Variants in DDX10 observed in about 807,000 individuals in gnomAD.
DDX10 encodes the protein probable ATP-dependent RNA helicase DDX10.
In DDX10, 74 loss-of-function variants were observed where a neutral mutation model predicts 104.3. The ratio of observed to expected loss-of-function variants is 0.71; its 90% CI spans 0.59 to 0.86. DDX10 has a LOEUF of 0.86. Ranked by LOEUF, DDX10 falls within the 40% of genes least tolerant of loss-of-function variation. The pLI is 0.00. For missense variants in DDX10, 952 were observed against 1,040.0 expected (o/e 0.92, Z 1.16); for synonymous variants, 351 against 353.4 (o/e 0.99, Z 0.08).
At chr11:108,846,858 A>G (rs200849320) in intron 15 of DDX10, among the ~76,000 whole-genome samples, 8 of 119,162 alleles carry the variant, frequency 6.7e-5, no homozygotes, top group Admixed American at 5.3e-4. Context: ...CAGACCATAT[A>G]GTTTAATGGC....
At chr11:108,855,808 T>C (rs1862860536) in intron 16 of DDX10, among the ~76,000 whole-genome samples, 1 of 152,134 alleles carries the variant, frequency 6.6e-6, no homozygotes, top group Non-Finnish European at 1.5e-5. Flanking sequence ...AATTGAACAC[T>C]GACTATGAAG....
At chr11:108,861,205 C>T (rs1862937129) in intron 16 of DDX10, among the ~76,000 whole-genome samples, 1 of 151,932 alleles carries the variant, frequency 6.6e-6, no homozygotes, top group Non-Finnish European at 1.5e-5. Flanking sequence ...GGCTACATCT[C>T]TCTCCCTTGC....
chr11:108,725,649 T>C (rs951206947), intron 13 of DDX10, among the ~76,000 whole-genome samples: 1 of 152,132 alleles, frequency 6.6e-6, no homozygotes, highest in Non-Finnish European at 1.5e-5. Context: ...TTTGAAATTG[T>C]GTTGCCTTAG....
rs559945051 is a variant in DDX10 at position 108,695,046 on chromosome 11, G to A, written c.1223+1446G>A. On this transcript the variant is annotated intron_variant, in intron 9 of 17. Transcript: ENST00000322536. ...GGAGGTATACATTCTTGGTGGAATT[G>A]TAAATGGTTAACATTTTTCTGGATA... Among the ~76,000 whole-genome samples, 5 of 152,296 alleles carry A rather than the reference G, an allele frequency of 3.3e-5. No homozygotes were observed. The East Asian group carries it at 7.7e-4, about 23-fold the overall frequency.
intron 13 of DDX10, among the ~76,000 whole-genome samples, chr11:108,807,374 A>G (rs1418390347): frequency 1.3e-5 from 2 of 152,194 alleles, no homozygotes; most frequent in Admixed American, 1.3e-4. Context: ...GACTGGTAGC[A>G]ATGTCAAGCC....
chr11:108,681,386 C>T lies in DDX10; in HGVS notation c.848+1826C>T, dbSNP rs114450538. On this transcript the variant is annotated intron_variant, in intron 6 of 17. Coordinates refer to ENST00000322536, the MANE Select transcript of DDX10 (RefSeq NM_004398.4). ...GGTAGACATGTATTGACATAATTTA[C>T]AAAACCTCAGGTTATATGATAATGG... Among the ~76,000 whole-genome samples, 1,447 of 152,188 alleles carry T rather than the reference C, an allele frequency of 9.5e-3. 18 individuals carry two copies. The highest frequency in any genetic ancestry group is 0.033 in the African/African-American group (1,353 of 41,518).
intron 16 of DDX10, among the ~76,000 whole-genome samples, chr11:108,878,637 T>A (rs1863184738): frequency 6.6e-6 from 1 of 152,224 alleles, no homozygotes; most frequent in Non-Finnish European, 1.5e-5. Context: ...TCTTTCTTTT[T>A]TTGACATGTT....
chr11:108,720,661 G>A (rs2094297166), intron 12 of DDX10, among the ~76,000 whole-genome samples: 1 of 152,062 alleles, frequency 6.6e-6, no homozygotes, highest in South Asian at 2.1e-4. Context: ...TGTGATCATG[G>A]CTCACTGCAT....
intron 13 of DDX10, among the ~76,000 whole-genome samples, chr11:108,748,176 C>T (rs767731717): frequency 8.5e-5 from 13 of 152,130 alleles, no homozygotes; most frequent in Non-Finnish European, 1.6e-4. Flanking sequence ...GGGCCACAGC[C>T]ACAGGGTGGA....
At chr11:108,753,646 A>G (rs1364241654) in intron 13 of DDX10, among the ~76,000 whole-genome samples, 2 of 152,058 alleles carry the variant, frequency 1.3e-5, no homozygotes, top group Non-Finnish European at 2.9e-5. Flanking sequence ...CATTTACGAC[A>G]TACAGTTCTT....
At chr11:108,840,587 C>G (rs1267468259) in intron 14 of DDX10, among the ~76,000 whole-genome samples, 3 of 152,204 alleles carry the variant, frequency 2.0e-5, no homozygotes, top group Admixed American at 6.5e-5. Flanking sequence ...CAGGTCCCCT[C>G]ATTAGCAGAT....
In DDX10 at chr11:108,898,456, C is replaced by T. The variant is rs141790392; in HGVS notation, c.2305-19417C>T. Among the ~76,000 whole-genome samples the T allele has an allele frequency of 1.8e-4, 27 of 151,996 alleles. No homozygotes were observed. The East Asian group carries it at 4.9e-3, about 27-fold the overall frequency. ...CCAAGAGCAGGTATTCCTGTTTGGTCACAAAGCAAGCTCTCAAGGATGTAA... is the reference window on the plus strand; with the variant it reads ...CCAAGAGCAGGTATTCCTGTTTGGTTACAAAGCAAGCTCTCAAGGATGTAA... On this transcript the variant is annotated intron_variant, in intron 16 of 17. Coordinates refer to ENST00000322536, the MANE Select transcript of DDX10 (RefSeq NM_004398.4).
intron 13 of DDX10, among the ~76,000 whole-genome samples, chr11:108,801,705 TA>T (rs1455843639): frequency 6.6e-6 from 1 of 152,186 alleles, no homozygotes; most frequent in Non-Finnish European, 1.5e-5. Context: ...TAAAAACTAG[TA>T]AATAGTAAAG....
At chr11:108,814,369 T>G (rs1341962447) in intron 13 of DDX10, among the ~76,000 whole-genome samples, 1 of 152,192 alleles carries the variant, frequency 6.6e-6, no homozygotes, top group Non-Finnish European at 1.5e-5. Context: ...ATTTGTGAAA[T>G]GTTGATTTTT....
chr11:108,890,309 T>TA (rs1267315041), intron 16 of DDX10, among the ~76,000 whole-genome samples: 3 of 152,216 alleles, frequency 2.0e-5, no homozygotes, highest in Admixed American at 6.5e-5. Flanking sequence ...TCATCTATGA[T>TA]AAGCTGTAGC....
chr11:108,831,057 T>A (rs1862462527), intron 13 of DDX10, among the ~76,000 whole-genome samples: 1 of 152,122 alleles, frequency 6.6e-6, no homozygotes, highest in South Asian at 2.1e-4. Context: ...AATAGAAATG[T>A]GTATAGTTAA....
intron 12 of DDX10, 36 bp downstream of exon 12, chr11:108,719,921 T>G (rs773646165): frequency 8.1e-7 from 1 of 1,230,958 alleles, no homozygotes; most frequent in South Asian, 1.2e-5. Context: ...TAGTGAATCC[T>G]CAAGGTTAGA....
At chr11:108,706,967 C>T in intron 10 of DDX10, 130 bp downstream of exon 10, 1 of 719,202 alleles carries the variant, frequency 1.4e-6, no homozygotes. Context: ...TATAAAAAGG[C>T]TCTTTTTAGA....
chr11:108,908,554 A>G (rs1863627722), intron 16 of DDX10, among the ~76,000 whole-genome samples: 1 of 152,246 alleles, frequency 6.6e-6, no homozygotes, highest in African/African-American at 2.4e-5. Flanking sequence ...CGTAATAAAG[A>G]TAATTCTCTG....
Sources: gnomAD v4.1 joint callset for allele counts (sites outside exome capture counted in the v4.1 genomes callset) on GRCh38, gnomAD v4.1.1 for gene constraint, MANE v1.5 for transcripts, NCBI Gene and HGNC (gene_info 2026-07-23, HGNC 2026-07-21) for gene names.